Variants in CAMK2D observed in about 807,000 individuals in gnomAD.
CAMK2D encodes calcium/calmodulin dependent protein kinase II delta, also known as calcium/calmodulin-dependent protein kinase type II subunit delta.
In CAMK2D, 37 loss-of-function variants were observed where a neutral mutation model predicts 84.0. The observed-to-expected ratio is 0.44, with a 90% CI of 0.34 to 0.58. The LOEUF (loss-of-function observed/expected upper bound fraction) is 0.58, where lower values mean the gene tolerates loss of function less well. Among genes scored for constraint, CAMK2D ranks in the 20% least tolerant of loss-of-function variants. The probability of loss-of-function intolerance (pLI) is 0.02; values close to 1 mark genes in which losing one functional copy is unlikely to be tolerated. For missense variants in CAMK2D, 448 were observed against 652.5 expected (o/e 0.69, Z 3.41); for synonymous variants, 202 against 212.5 (o/e 0.95, Z 0.43).
chr4:113,739,321 TATCA>T (rs1222328932), intron 2 of CAMK2D, among the ~76,000 whole-genome samples: 2 of 152,120 alleles, frequency 1.3e-5, no homozygotes, highest in Non-Finnish European at 2.9e-5. Flanking sequence ...CTCTGCCCAC[TATCA>T]ATCCCCAGCA....
chr4:113,693,595 C>A (rs2099394562), intron 2 of CAMK2D, among the ~76,000 whole-genome samples: 1 of 152,132 alleles, frequency 6.6e-6, no homozygotes, highest in Non-Finnish European at 1.5e-5. Flanking sequence ...ATATTCCCTG[C>A]ATTCCACCTG....
intron 17 of CAMK2D, among the ~76,000 whole-genome samples, chr4:113,463,342 C>T (rs2097415404): frequency 6.6e-6 from 1 of 152,062 alleles, no homozygotes. Flanking sequence ...TCTAATTTGG[C>T]ATGTTTCATT....
chr4:113,683,973 C>T (rs1045684269), intron 2 of CAMK2D, among the ~76,000 whole-genome samples: 32 of 152,242 alleles, frequency 2.1e-4, no homozygotes, highest in African/African-American at 7.5e-4. Context: ...GCTTTTTGAC[C>T]TCTCTGTACC....
chr4:113,531,951 T>G (rs1411865163), intron 7 of CAMK2D, among the ~76,000 whole-genome samples: 1 of 152,194 alleles, frequency 6.6e-6, no homozygotes, highest in African/African-American at 2.4e-5. Flanking sequence ...AAAATAACAG[T>G]TTTTTAAATA....
intron 2 of CAMK2D, among the ~76,000 whole-genome samples, chr4:113,719,955 T>C (rs1355593584): frequency 6.6e-6 from 1 of 152,128 alleles, no homozygotes; most frequent in African/African-American, 2.4e-5. Flanking sequence ...ATTAAAACCC[T>C]TCAGGCTCCT....
chr4:113,737,116 A>C (rs2099583053), intron 2 of CAMK2D, among the ~76,000 whole-genome samples: 1 of 152,208 alleles, frequency 6.6e-6, no homozygotes, highest in South Asian at 2.1e-4. Context: ...AAACTTTATC[A>C]CTGATATACT....
At chr4:113,462,330 GTCTGTCTGTCTA>G (rs1394110007) in intron 17 of CAMK2D, among the ~76,000 whole-genome samples, 64 of 129,436 alleles carry the variant, frequency 4.9e-4, no homozygotes, top group African/African-American at 1.3e-3. Context: ...CTGTCTGTCT[GTCTGTCTGTCTA>G]TCTATCTATC....
intron 16 of CAMK2D, among the ~76,000 whole-genome samples, chr4:113,468,058 G>A (rs549633215): frequency 1.3e-5 from 2 of 152,000 alleles, no homozygotes; most frequent in African/African-American, 2.4e-5. Flanking sequence ...GCTTCATTAG[G>A]GTAGGCTTCA....
Position 113,457,446 on chromosome 4 carries a change from C to G in CAMK2D, c.1424G>C (p.Ser475Thr). Residue 475 changes from serine (S) to threonine (T), a missense_variant, in exon 19 of 21, where the codon AGT (serine) becomes ACT (threonine). Physicochemically the swap from Ser to Thr is moderately conservative, Grantham distance 58. Coordinates refer to ENST00000511664, the MANE Select transcript of CAMK2D (RefSeq NM_001321571.2). ...TGACTGCATTGTCTTTGGCATTCCA[C>G]TGCCATCCATGTACTGTGTGAGCCT... ...YIRLTQYMDG[S>T]GMPKTMQSEE... 6.2e-7 allele frequency: 1 copy of G among 1,613,886 alleles called. No homozygotes were observed. Among genetic ancestry groups the G allele is most frequent in the Non-Finnish European group, 8.5e-7 (1 of 1,179,784 alleles).
At chr4:113,668,582 T>G (rs903104467) in intron 2 of CAMK2D, among the ~76,000 whole-genome samples, 3 of 152,196 alleles carry the variant, frequency 2.0e-5, no homozygotes, top group African/African-American at 7.2e-5. Context: ...CCATAAAAAT[T>G]ATTTATTTTA....
In CAMK2D at chr4:113,453,712, A is replaced by G. The variant is rs958930458; in HGVS notation, c.*833T>C. 1 of 152,460 alleles carries G rather than the reference A, an allele frequency of 6.6e-6. No individual in the cohort carries two copies. Among genetic ancestry groups the G allele is most frequent in the Non-Finnish European group, 1.5e-5 (1 of 68,032 alleles). 9.4% of individuals were successfully genotyped at this position (152,460 alleles called of 1,614,324 possible). ...CTCCCCAAAAAAGGAAAAGGGAAAA[A>G]AGTAAGAAAAGAATGGAACAAAAGA... is the stretch of plus-strand genomic sequence containing the variant. On this transcript the variant is annotated 3_prime_UTR_variant, in exon 21 of 21. Coordinates refer to ENST00000511664, the MANE Select transcript of CAMK2D (RefSeq NM_001321571.2).
At chr4:113,710,565 G>T (rs539099468) in intron 2 of CAMK2D, among the ~76,000 whole-genome samples, 1 of 152,138 alleles carries the variant, frequency 6.6e-6, no homozygotes, top group African/African-American at 2.4e-5. Context: ...ATAAAGGGAT[G>T]ATAATTAAGG....
chr4:113,468,399 C>T (rs1405338542), intron 16 of CAMK2D, among the ~76,000 whole-genome samples: 1 of 152,108 alleles, frequency 6.6e-6, no homozygotes, highest in Admixed American at 6.6e-5. Context: ...ACTCGTTTGG[C>T]TTAGGAGGGG....
At chr4:113,500,959 A>G (rs2098032726) in intron 15 of CAMK2D, among the ~76,000 whole-genome samples, 1 of 152,098 alleles carries the variant, frequency 6.6e-6, no homozygotes, top group Non-Finnish European at 1.5e-5. Flanking sequence ...GTCAGGCACT[A>G]TGTTAAGGCC....
chr4:113,744,130 A>G (rs1015641088), intron 2 of CAMK2D, among the ~76,000 whole-genome samples: 2 of 152,100 alleles, frequency 1.3e-5, no homozygotes, highest in African/African-American at 2.4e-5. Context: ...GTGAGCCACC[A>G]CACCCAGCCC....
intron 2 of CAMK2D, among the ~76,000 whole-genome samples, chr4:113,687,112 C>T (rs551036411): frequency 5.3e-5 from 8 of 152,224 alleles, no homozygotes; most frequent in South Asian, 4.2e-4. Flanking sequence ...CTGATATGGT[C>T]GTGACCTTTC....
chr4:113,527,286 G>A (rs1301737171), intron 8 of CAMK2D, among the ~76,000 whole-genome samples: 1 of 148,996 alleles, frequency 6.7e-6, no homozygotes, highest in Non-Finnish European at 1.5e-5. Context: ...TTTTCTTTTT[G>A]TAGAGATGGG....
At chr4:113,488,059 A>T (rs1177967453) in intron 16 of CAMK2D, among the ~76,000 whole-genome samples, 1 of 152,086 alleles carries the variant, frequency 6.6e-6, no homozygotes, top group African/African-American at 2.4e-5. Flanking sequence ...TATATTTTAC[A>T]TCACTTAAAA....
intron 3 of CAMK2D, among the ~76,000 whole-genome samples, chr4:113,623,252 C>T (rs1221560869): frequency 6.6e-6 from 1 of 152,002 alleles, no homozygotes; most frequent in Non-Finnish European, 1.5e-5. Context: ...GCTTTGGCAT[C>T]TTGCTAGTTC....
Sources: allele counts gnomAD v4.1 joint callset (sites outside exome capture counted in the v4.1 genomes callset), GRCh38; gene constraint gnomAD v4.1.1; transcripts MANE v1.5; gene names NCBI Gene and HGNC (gene_info 2026-07-23, HGNC 2026-07-21).